GREB1L: variants seen among roughly 807,000 people sequenced by gnomAD.
GREB1L encodes GREB1-like protein.
A neutral mutation model predicts 200.8 loss-of-function variants in GREB1L; 17 were observed. The observed-to-expected ratio is 0.08, with a 90% confidence interval of 0.06 to 0.13. GREB1L has a LOEUF of 0.13. Ranked by LOEUF, GREB1L falls within the 10% of genes least tolerant of loss-of-function variation. The pLI is 1.00. For synonymous variants in GREB1L, 789 were observed against 893.0 expected (o/e 0.88, Z 2.08); for missense variants, 1,657 against 2,367.7 (o/e 0.70, Z 6.23).
At position 21,485,550 on chromosome 18, in the gene GREB1L, C is replaced by G. The variant is rs1334923220; in HGVS notation, c.2557-70C>G. 9.2e-6 allele frequency: 13 copies of G among 1,410,208 alleles called. No homozygotes were observed. The East Asian group carries it at 2.8e-4, about 31-fold the overall frequency. The allele number at this position is 1,410,208 out of a possible 1,614,324, so 87.4% of individuals were successfully genotyped here. On this transcript the variant is annotated intron_variant, in intron 17 of 32. Coordinates refer to ENST00000424526, the MANE Select transcript of GREB1L (RefSeq NM_001142966.3). ...TCTTACAGCGGTCATTTCTGTAAACCCCACTTTCTGGAAAACAAGACACAC... is the reference window on the plus strand; with the variant it reads ...TCTTACAGCGGTCATTTCTGTAAACGCCACTTTCTGGAAAACAAGACACAC...
chr18:21,342,307 A>G (rs529298522), intron 1 of GREB1L, among the ~76,000 whole-genome samples: 1 of 152,252 alleles, frequency 6.6e-6, no homozygotes, highest in South Asian at 2.1e-4. Context: ...GGTCATGAAC[A>G]TGTTATATTC....
At chr18:21,498,552 T>G (rs1269294593) in intron 21 of GREB1L, among the ~76,000 whole-genome samples, 1 of 152,182 alleles carries the variant, frequency 6.6e-6, no homozygotes, top group African/African-American at 2.4e-5. Flanking sequence ...TTCCTTCCTG[T>G]GGTTCTTCCG....
chr18:21,486,544 T>C (rs983105201), intron 18 of GREB1L, among the ~76,000 whole-genome samples: 1 of 152,070 alleles, frequency 6.6e-6, no homozygotes. Flanking sequence ...AGCAATCAGA[T>C]AATTGAGGTG....
chr18:21,251,259 A>G (rs569931060), intron 1 of GREB1L, among the ~76,000 whole-genome samples: 5 of 152,152 alleles, frequency 3.3e-5, no homozygotes, highest in East Asian at 3.9e-4. Flanking sequence ...TCACTCATCT[A>G]TTTATGTTGT....
chr18:21,292,085 G>A (rs779815583), intron 1 of GREB1L, among the ~76,000 whole-genome samples: 2 of 152,138 alleles, frequency 1.3e-5, no homozygotes, highest in Non-Finnish European at 2.9e-5. Context: ...AAAAGATACA[G>A]AACTGATGAG....
rs141586100 is a variant in GREB1L, at chr18:21,422,475, A to G, written c.833-17046A>G. ...TTATTTTTCTTATGTATTTTTCTAG[A>G]TTTTCTTTATATCTATTCAAGCAAG... On this transcript the variant is annotated intron_variant, in intron 7 of 32. Coordinates refer to ENST00000424526, the MANE Select transcript of GREB1L (RefSeq NM_001142966.3). Among the ~76,000 whole-genome samples, 19 of 152,090 alleles carry G rather than the reference A, an allele frequency of 1.2e-4. No homozygotes were observed. In the East Asian group the frequency reaches 2.5e-3, roughly 20 times the overall value.
chr18:21,379,343 A>T (rs1048473925), intron 2 of GREB1L, among the ~76,000 whole-genome samples: 1 of 152,068 alleles, frequency 6.6e-6, no homozygotes, highest in Non-Finnish European at 1.5e-5. Context: ...AGTAGCTGGG[A>T]TTACAGGCAG....
At chr18:21,265,294 A>G (rs2037948453) in intron 1 of GREB1L, among the ~76,000 whole-genome samples, 1 of 152,196 alleles carries the variant, frequency 6.6e-6, no homozygotes, top group Non-Finnish European at 1.5e-5. Context: ...GAAATAGTAC[A>G]TATTCATATA....
chr18:21,282,674 A>G (rs1012057700), intron 1 of GREB1L, among the ~76,000 whole-genome samples: 2 of 151,856 alleles, frequency 1.3e-5, no homozygotes. Context: ...ATCTCGGCTC[A>G]TTGCAACCTC....
intron 1 of GREB1L, among the ~76,000 whole-genome samples, chr18:21,298,890 A>G (rs2038572237): frequency 6.6e-6 from 1 of 151,658 alleles, no homozygotes; most frequent in South Asian, 2.1e-4. Context: ...AGCTGTGATC[A>G]TGCCACTGTA....
chr18:21,482,642 AT>A lies in GREB1L; in HGVS notation c.2557-2955del, dbSNP rs35313539. On this transcript the variant is annotated intron_variant, in intron 17 of 32. Coordinates refer to ENST00000424526, the MANE Select transcript of GREB1L (RefSeq NM_001142966.3). Reference sequence around the variant, plus strand: ...GAGCACACCATTGTGTAGATTACAGATTTTTTTTTTTTTTTTTTTTTTTACA... The same window carrying A: ...GAGCACACCATTGTGTAGATTACAGATTTTTTTTTTTTTTTTTTTTTTACA... Among the ~76,000 whole-genome samples the A allele has an allele frequency of 1.1e-3, 130 of 118,076 alleles. 1 individual carries two copies. The highest frequency in any genetic ancestry group is 3.6e-3 in the African/African-American group (117 of 32,216). 77.5% of individuals were successfully genotyped at this position (118,076 alleles called of 152,430 possible).
chr18:21,426,953 C>T (rs1465984427), intron 7 of GREB1L, among the ~76,000 whole-genome samples: 3 of 115,516 alleles, frequency 2.6e-5, no homozygotes, highest in African/African-American at 7.5e-5. Context: ...AGCGAGACTA[C>T]GTCTCAAAAA....
In GREB1L at chr18:21,452,083, GCGATGACCTAGA is replaced by G. The variant is rs146134687; in HGVS notation, c.1852_1863del (p.Asp618_Asp621del). 2,727 of 1,551,826 alleles carry G rather than the reference GCGATGACCTAGA, an allele frequency of 1.8e-3. 38 individuals are homozygous for G. The African/African-American group carries it at 0.03, about 17-fold the overall frequency. ...CCTTCTTATCTCTATTTTGTAATAG[GCGATGACCTAGA>G]CAAGCTGCTGGAAAAAATGCAACAA... is the stretch of plus-strand genomic sequence containing the variant. On this transcript the variant is annotated inframe_deletion and splice_region_variant, in exon 14 of 33. Coordinates refer to ENST00000424526, the MANE Select transcript of GREB1L (RefSeq NM_001142966.3).
At chr18:21,404,275 A>G (rs1313768647) in intron 7 of GREB1L, among the ~76,000 whole-genome samples, 13 of 152,156 alleles carry the variant, frequency 8.5e-5, no homozygotes, top group African/African-American at 3.1e-4. Context: ...AAATCCAGAC[A>G]TGAGGGGAGT....
chr18:21,491,770 A>T (rs1320376976), intron 19 of GREB1L, among the ~76,000 whole-genome samples: 2 of 152,088 alleles, frequency 1.3e-5, no homozygotes, highest in Non-Finnish European at 2.9e-5. Context: ...TCAGTTAGCT[A>T]ACCTAAATTG....
chr18:21,408,724 G>A (rs1452650109), intron 7 of GREB1L, among the ~76,000 whole-genome samples: 1 of 151,268 alleles, frequency 6.6e-6, no homozygotes, highest in Admixed American at 6.6e-5. Context: ...AACCCGGCAG[G>A]TGGAGGTTGC....
intron 5 of GREB1L, among the ~76,000 whole-genome samples, chr18:21,396,386 A>G (rs2041067549): frequency 6.6e-6 from 1 of 152,216 alleles, no homozygotes; most frequent in East Asian, 1.9e-4. Context: ...GCTTAATTAA[A>G]TGACTTTTTT....
intron 1 of GREB1L, among the ~76,000 whole-genome samples, chr18:21,343,408 C>T (rs1384162686): frequency 1.3e-5 from 2 of 152,100 alleles, no homozygotes; most frequent in African/African-American, 4.8e-5. Flanking sequence ...TGTCCATTTC[C>T]AGTAGGGAAA....
chr18:21,299,821 A>G (rs570665592), intron 1 of GREB1L, among the ~76,000 whole-genome samples: 1 of 152,310 alleles, frequency 6.6e-6, no homozygotes, highest in Non-Finnish European at 1.5e-5. Flanking sequence ...ACTTGGGACT[A>G]CTGAAAATTG....
Sources: gnomAD v4.1 joint callset for allele counts (sites outside exome capture counted in the v4.1 genomes callset) on GRCh38, gnomAD v4.1.1 for gene constraint, MANE v1.5 for transcripts, NCBI Gene and HGNC (gene_info 2026-07-23, HGNC 2026-07-21) for gene names.